The following POU6F2 variants were observed in gnomAD, a reference collection of about 807,000 sequenced individuals.
POU6F2 encodes the protein POU class 6 homeobox 2, also known as POU domain, class 6, transcription factor 2.
POU6F2 carries 31 observed loss-of-function variants against 71.3 expected under a neutral mutation model. The ratio of observed to expected loss-of-function variants is 0.43; its 90% CI spans 0.33 to 0.59. The LOEUF is 0.59. Among genes scored for constraint, POU6F2 ranks in the 20% least tolerant of loss-of-function variants. POU6F2 has a pLI of 0.04. For missense variants in POU6F2, 783 were observed against 856.8 expected, an observed-to-expected ratio of 0.91 and a Z score of 1.07; for synonymous variants, 347 against 355.7, an observed-to-expected ratio of 0.98 and a Z score of 0.27.
chr7:39,007,616 G>A (rs191440629), intron 1 of POU6F2, among the ~76,000 whole-genome samples: 9 of 152,192 alleles, frequency 5.9e-5, no homozygotes, highest in East Asian at 1.9e-4. Context: ...ATGGTGGTGC[G>A]CTGCACCCAC....
intron 2 of POU6F2, among the ~76,000 whole-genome samples, chr7:39,119,121 G>C (rs887584156): frequency 7.2e-5 from 11 of 152,136 alleles, no homozygotes; most frequent in African/African-American, 2.7e-4. Context: ...CAATGAGACG[G>C]GACCCAGGAA....
chr7:39,077,528 A>G (rs1319278910), intron 1 of POU6F2, among the ~76,000 whole-genome samples: 1 of 152,124 alleles, frequency 6.6e-6, no homozygotes, highest in Non-Finnish European at 1.5e-5. Flanking sequence ...TATCAATTGG[A>G]GTAGGCTCTA....
At chr7:39,307,577 CATT>C (rs1387581168) in intron 4 of POU6F2, among the ~76,000 whole-genome samples, 3 of 152,012 alleles carry the variant, frequency 2.0e-5, no homozygotes, top group Non-Finnish European at 2.9e-5. Flanking sequence ...AAAAATTATT[CATT>C]CTTACAAAAG....
intron 1 of POU6F2, among the ~76,000 whole-genome samples, chr7:39,042,667 A>T (rs1346340241): frequency 6.6e-6 from 1 of 151,804 alleles, no homozygotes; most frequent in Non-Finnish European, 1.5e-5. Flanking sequence ...TGTAGACCTC[A>T]CCCCAGGTGT....
intron 4 of POU6F2, among the ~76,000 whole-genome samples, chr7:39,316,045 G>A (rs1231223814): frequency 6.6e-6 from 1 of 152,272 alleles, no homozygotes; most frequent in African/African-American, 2.4e-5. Context: ...CTGTGTCCTG[G>A]TAGTAATATT....
chr7:39,147,767 C>T lies in POU6F2; in HGVS notation c.278-56468C>T, dbSNP rs1223064914. Among the ~76,000 whole-genome samples, 4 of 152,162 alleles carry T rather than the reference C, an allele frequency of 2.6e-5. No individual in the cohort carries two copies. In the South Asian group the frequency reaches 6.2e-4, roughly 24 times the overall value. On this transcript the variant is annotated intron_variant, in intron 2 of 9. Coordinates refer to ENST00000518318, the MANE Select transcript of POU6F2 (RefSeq NM_001370959.1). ...AACTTCTCTCAAACCAGAGTACAAA[C>T]AGGTAACCTTGGGATATAGCTTGTC... is the stretch of plus-strand genomic sequence containing the variant.
intron 6 of POU6F2, among the ~76,000 whole-genome samples, chr7:39,420,164 T>A (rs1371052841): frequency 2.0e-5 from 3 of 152,232 alleles, no homozygotes; most frequent in Non-Finnish European, 4.4e-5. Context: ...TAAATTCACA[T>A]GGAATTTGAA....
chr7:39,204,237 G>C lies in POU6F2; in HGVS notation c.280G>C (p.Ala94Pro), dbSNP rs570613208. ...AGTATTTCTCTTTTGAATTCCAGGG[G>C]CTAGAGGAAACCCAGCATTATCAGA... Reference protein sequence around the residue: ...SEDTPSKLFGARGNPALSDPG... With the variant: ...SEDTPSKLFGPRGNPALSDPG... Residue 94 changes from alanine to proline, a missense_variant and splice_region_variant, in exon 3 of 10, where the codon GCT (alanine) becomes CCT (proline). This residue lies in a region of POU6F2 where 572 missense variants were observed against 572.9 expected (regional missense o/e 1.00). Transcript: ENST00000518318. 1 of 1,613,222 alleles carries C rather than the reference G, an allele frequency of 6.2e-7. No homozygotes were observed. The highest frequency in any genetic ancestry group is 1.7e-5 in the Admixed American group (1 of 59,976).
intron 3 of POU6F2, 98 bp from the exon 4 acceptor site, chr7:39,207,294 G>T: frequency 8.8e-7 from 1 of 1,136,756 alleles, no homozygotes; most frequent in Non-Finnish European, 1.2e-6. Context: ...TACTTCTTCG[G>T]GAACTTTCTG....
At chr7:39,257,611 G>A (rs1784050672) in intron 4 of POU6F2, among the ~76,000 whole-genome samples, 1 of 152,044 alleles carries the variant, frequency 6.6e-6, no homozygotes, top group African/African-American at 2.4e-5. Flanking sequence ...CCTGCTTTGT[G>A]AAGACACATA....
chr7:39,414,949 A>G (rs1052294033), intron 6 of POU6F2, among the ~76,000 whole-genome samples: 1 of 152,024 alleles, frequency 6.6e-6, no homozygotes, highest in Non-Finnish European at 1.5e-5. Context: ...TCTCTCACCT[A>G]AAGCAGAACT....
chr7:39,388,454 T>TAC (rs1269699932), intron 5 of POU6F2, among the ~76,000 whole-genome samples: 1 of 152,194 alleles, frequency 6.6e-6, no homozygotes, highest in African/African-American at 2.4e-5. Flanking sequence ...TAGCTGAGAC[T>TAC]ACAGGCTCCC....
In POU6F2 at chr7:39,016,083, T is replaced by TATATAG. The variant is rs1789536271; in HGVS notation, c.105+38027_105+38028insATAGAT. Among the ~76,000 whole-genome samples the TATATAG allele has an allele frequency of 1.7e-5, 2 of 114,404 alleles. 1 individual carries two copies. The highest frequency in any genetic ancestry group is 3.3e-5 in the Non-Finnish European group (2 of 60,322). 75.1% of individuals were successfully genotyped at this position (114,404 alleles called of 152,430 possible). On this transcript the variant is annotated intron_variant, in intron 1 of 9. Coordinates refer to ENST00000518318, the MANE Select transcript of POU6F2 (RefSeq NM_001370959.1). ...ATATATAATATATAGATATATATTA[T>TATATAG]ATCTATATTATACATTATATATCTA...
chr7:39,191,884 T>C (rs1373557237), intron 2 of POU6F2, among the ~76,000 whole-genome samples: 1 of 152,236 alleles, frequency 6.6e-6, no homozygotes. Flanking sequence ...TGAATTGGAC[T>C]AATTGTTTGG....
chr7:39,158,941 G>C (rs535107138), intron 2 of POU6F2, among the ~76,000 whole-genome samples: 1 of 152,054 alleles, frequency 6.6e-6, no homozygotes, highest in Admixed American at 6.5e-5. Context: ...GGAGGCCAAG[G>C]CAGGCGGATC....
intron 8 of POU6F2, among the ~76,000 whole-genome samples, chr7:39,452,236 A>G (rs1788679363): frequency 6.6e-6 from 1 of 152,144 alleles, no homozygotes; most frequent in Non-Finnish European, 1.5e-5. Context: ...CAGATGAGAA[A>G]TCTCTGAACA....
At chr7:39,306,700 A>T (rs773969580) in intron 4 of POU6F2, among the ~76,000 whole-genome samples, 1 of 152,238 alleles carries the variant, frequency 6.6e-6, no homozygotes, top group Non-Finnish European at 1.5e-5. Context: ...CCAGGAATGT[A>T]GGATTTCTGC....
At chr7:39,150,680 C>G (rs1792738922) in intron 2 of POU6F2, among the ~76,000 whole-genome samples, 3 of 151,670 alleles carry the variant, frequency 2.0e-5, no homozygotes. Flanking sequence ...GTTGGCCAGG[C>G]TGGTCTCGAA....
At chr7:39,342,008 G>T (rs1262142979) in intron 5 of POU6F2, among the ~76,000 whole-genome samples, 1 of 152,122 alleles carries the variant, frequency 6.6e-6, no homozygotes, top group African/African-American at 2.4e-5. Context: ...TTCTTTCTTT[G>T]TAACACTGAG....
Sources: gnomAD v4.1 joint callset for allele counts (sites outside exome capture counted in the v4.1 genomes callset) on GRCh38, gnomAD v4.1.1 for gene constraint, gnomAD v4.1.1 regional missense constraint, MANE v1.5 for transcripts, NCBI Gene and HGNC (gene_info 2026-07-23, HGNC 2026-07-21) for gene names.